The following STT3A variants were observed in gnomAD, a reference collection of about 807,000 sequenced individuals.
STT3A encodes STT3 oligosaccharyltransferase complex catalytic subunit A.
STT3A carries 34 observed loss-of-function variants against 89.2 expected under a neutral mutation model. That is an observed-to-expected ratio of 0.38 (90% CI 0.29 to 0.51). STT3A has a LOEUF of 0.51. STT3A is among the 20% of genes least tolerant of loss of function. The pLI is 0.89. For synonymous variants in STT3A, 282 were observed against 310.3 expected, an observed-to-expected ratio of 0.91 and a Z score of 0.96; for missense variants, 555 against 889.5, an observed-to-expected ratio of 0.62 and a Z score of 4.78.
intron 1 of STT3A, 84 bp from the exon 2 acceptor site, chr11:125,595,797 T>C: frequency 1.4e-6 from 1 of 721,388 alleles, no homozygotes; most frequent in Non-Finnish European, 2.4e-6. Context: ...CTACGTCCTT[T>C]ATGATTCCCT....
chr11:125,620,915 A>C lies in STT3A; in HGVS notation c.*105A>C. ...TTAATATGCAGTTTGTAAGAACAAA[A>C]CTGGATGGCATCAGAATTGTCTGGA... is the stretch of plus-strand genomic sequence containing the variant. On this transcript the variant is annotated 3_prime_UTR_variant, in exon 18 of 18. Coordinates refer to ENST00000392708, the MANE Select transcript of STT3A (RefSeq NM_152713.5). The C allele has an allele frequency of 1.1e-6, 1 of 941,600 alleles. No homozygotes were observed. Among genetic ancestry groups the C allele is most frequent in the Non-Finnish European group, 1.6e-6 (1 of 637,598 alleles). 58.3% of individuals were successfully genotyped at this position (941,600 alleles called of 1,614,324 possible). A position where few individuals can be genotyped will look rare whatever the true frequency, so the allele number is the denominator to read the frequency against.
At chr11:125,608,545 C>T (rs1939905916) in intron 9 of STT3A, 1 of 334,476 alleles carries the variant, frequency 3.0e-6, no homozygotes, top group Non-Finnish European at 5.5e-6. Context: ...AGGCTGGTCT[C>T]AAACTCCCGA....
chr11:125,620,196 G>T, intron 17 of STT3A, 70 bp downstream of exon 17: 1 of 1,238,330 alleles, frequency 8.1e-7, no homozygotes, highest in Non-Finnish European at 1.2e-6. Context: ...CTTATAAAAT[G>T]GGACATATAT....
In STT3A at chr11:125,611,537, C is replaced by G. The variant is rs760257888; in HGVS notation, c.1209+18C>G. 12 of 1,608,528 alleles carry G rather than the reference C, an allele frequency of 7.5e-6. No individual in the cohort carries two copies. The highest frequency in any genetic ancestry group is 1.0e-5 in the Non-Finnish European group (12 of 1,175,786). On this transcript the variant is annotated intron_variant, in intron 11 of 17. Coordinates refer to ENST00000392708, the MANE Select transcript of STT3A (RefSeq NM_152713.5). ...CTGTAATGGTGAGGATGCCCTCAGTCTGGTAGACTTTTTCACTCTAACTCT... is the reference window on the plus strand; with the variant it reads ...CTGTAATGGTGAGGATGCCCTCAGTGTGGTAGACTTTTTCACTCTAACTCT...
intron 7 of STT3A, 82 bp downstream of exon 7, chr11:125,605,817 T>G: frequency 1.6e-6 from 2 of 1,231,494 alleles, no homozygotes; most frequent in East Asian, 4.8e-5. Flanking sequence ...TGACCAACTT[T>G]CTTTTCTGGT....
Position 125,613,265 on chromosome 11 carries a change from G to T in STT3A, c.1554+88G>T. 1 of 1,441,042 alleles carries T rather than the reference G, an allele frequency of 6.9e-7. No individual in the cohort carries two copies. The highest frequency in any genetic ancestry group is 9.5e-7 in the Non-Finnish European group (1 of 1,054,150). The allele number at this position is 1,441,042 out of a possible 1,614,324, so 89.3% of individuals were successfully genotyped here. A position where few individuals can be genotyped will look rare whatever the true frequency, so the allele number is the denominator to read the frequency against. Reference sequence around the variant, plus strand: ...CAGTGAATCATACAGCTTTTAGATGGGTGGAAAGCTGGGTGAAACTGGAAC... The same window carrying T: ...CAGTGAATCATACAGCTTTTAGATGTGTGGAAAGCTGGGTGAAACTGGAAC... On this transcript the variant is annotated intron_variant, in intron 13 of 17. Transcript: ENST00000392708. The surrounding 1 kb of genome is among the most constrained non-coding windows in gnomAD (Gnocchi z 4.2).
chr11:125,620,870 A>T lies in STT3A; in HGVS notation c.*60A>T, dbSNP rs74957637. 0.038 allele frequency: 33,736 copies of T among 891,596 alleles called. 745 individuals carry two copies. Among genetic ancestry groups the T allele is most frequent in the Middle Eastern group, 0.072 (239 of 3,302 alleles). The allele number at this position is 891,596 out of a possible 1,614,324, so 55.2% of individuals were successfully genotyped here. ...GCACATCACATTTAGGACGTTGAAG[A>T]TTTTTTTTTTTTTTTTTTTTTAATA... On this transcript the variant is annotated 3_prime_UTR_variant, in exon 18 of 18. Coordinates refer to ENST00000392708, the MANE Select transcript of STT3A (RefSeq NM_152713.5).
intron 1 of STT3A, among the ~76,000 whole-genome samples, chr11:125,594,582 C>CAA (rs34558992): frequency 0.095 from 8,725 of 91,910 alleles, 605 homozygotes; most frequent in Middle Eastern, 0.12. Context: ...GACTCCGTCT[C>CAA]AAAAAAAAAA....
Position 125,612,630 on chromosome 11 carries a change from T to C in STT3A, c.1248T>C (p.Ile416=), listed in dbSNP as rs749362257. The change falls in exon 12 of 18, where the codon ATT becomes ATC. Residue 416 remains isoleucine (I), a synonymous_variant. Transcript: ENST00000392708. ...TAGTGTTGGCACCTGTTATGTGCATTCTCTCTGGCATTGGAGTCTCCCAGG... is the reference window on the plus strand; with the variant it reads ...TAGTGTTGGCACCTGTTATGTGCATCCTCTCTGGCATTGGAGTCTCCCAGG... ...LMLVLAPVMC[I]LSGIGVSQVL... is the part of the protein sequence containing the mutation. 6.2e-7 allele frequency: 1 copy of C among 1,614,208 alleles called. No homozygotes were observed. Among genetic ancestry groups the C allele is most frequent in the Admixed American group, 1.7e-5 (1 of 60,022 alleles).
intron 3 of STT3A, among the ~76,000 whole-genome samples, chr11:125,597,349 C>G (rs1939527108): frequency 6.7e-6 from 1 of 149,578 alleles, no homozygotes; most frequent in Admixed American, 6.7e-5. Context: ...CTTTGGGAGG[C>G]TGAGGTGGAG....
intron 16 of STT3A, 75 bp downstream of exon 16, chr11:125,618,636 A>G (rs1386301610): frequency 7.1e-7 from 1 of 1,416,660 alleles, no homozygotes; most frequent in Non-Finnish European, 9.6e-7. Context: ...TCCATATGCC[A>G]AGCACTAGTA....
Position 125,602,852 on chromosome 11 carries a change from C to T in STT3A, c.321C>T (p.His107=), listed in dbSNP as rs1591373180. 1 of 1,614,086 alleles carries T rather than the reference C, an allele frequency of 6.2e-7. No homozygotes were observed. Among genetic ancestry groups the T allele is most frequent in the Middle Eastern group, 1.6e-4 (1 of 6,062 alleles). ...AAIYHVLHFF[H]ITIDIRNVCV... is the part of the protein sequence containing the mutation. ...TCTACCATGTACTCCATTTTTTCCA[C>T]ATCACCATCGACATTCGGAATGTCT... is the stretch of plus-strand genomic sequence containing the variant. Residue 107 remains histidine, a synonymous_variant, in exon 5 of 18, where the codon CAC becomes CAT. Coordinates refer to ENST00000392708, the MANE Select transcript of STT3A (RefSeq NM_152713.5).
In STT3A at chr11:125,614,374, T is replaced by C. The variant is rs560550185; in HGVS notation, c.1722T>C (p.Asp574=). The stretch of plus-strand genomic sequence containing the variant: ...CCTATGAGATCATGAGGGAGCTCGA[T>C]GTCAGCTATGTGCTGGTCATTTTTG... ...EKAYEIMREL[D]VSYVLVIFGG... The change falls in exon 15 of 18, where the codon GAT becomes GAC. Residue 574 remains aspartate (D), a synonymous_variant. Transcript: ENST00000392708. The surrounding 1 kb of genome is among the most constrained non-coding windows in gnomAD (Gnocchi z 4.9). 4.8e-4 allele frequency: 773 copies of C among 1,614,172 alleles called. 14 individuals carry two copies. The South Asian group carries it at 7.8e-3, about 16-fold the overall frequency.
rs1169670997 is a variant in STT3A at position 125,614,971 on chromosome 11, CT to C, written c.1774+548del. Among the ~76,000 whole-genome samples the C allele has an allele frequency of 2.0e-5, 3 of 152,124 alleles. No individual in the cohort carries two copies. The stretch of plus-strand genomic sequence containing the variant: ...AAAGTTAATGTAATGCCTGTTTACA[CT>C]TTAAAAAGTTAAGCAGTTCACAGCC... On this transcript the variant is annotated intron_variant, in intron 15 of 17. Coordinates refer to ENST00000392708, the MANE Select transcript of STT3A (RefSeq NM_152713.5). The surrounding 1 kb of genome is among the most constrained non-coding windows in gnomAD (Gnocchi z 4.9).
At chr11:125,609,058 G>T (rs1939922480) in intron 9 of STT3A, among the ~76,000 whole-genome samples, 1 of 152,170 alleles carries the variant, frequency 6.6e-6, no homozygotes, top group South Asian at 2.1e-4. Context: ...TCTCAGAGAT[G>T]AATTTGATTT....
chr11:125,602,455 A>T lies in STT3A; in HGVS notation c.271+31A>T, dbSNP rs1482605143. 7 of 1,525,402 alleles carry T rather than the reference A, an allele frequency of 4.6e-6. No homozygotes were observed. In the African/African-American group the frequency reaches 5.7e-5, roughly 12 times the overall value. 94.5% of individuals were successfully genotyped at this position (1,525,402 alleles called of 1,614,324 possible). On this transcript the variant is annotated intron_variant, in intron 4 of 17. Transcript: ENST00000392708. ...GAGACCAGATGTGTTTTTTTTTTTAAAAAAAAAACAGAAATATTTGTATGC... is the reference window on the plus strand; with the variant it reads ...GAGACCAGATGTGTTTTTTTTTTTATAAAAAAAACAGAAATATTTGTATGC...
In STT3A at chr11:125,620,905, T is replaced by A; in HGVS notation, c.*95T>A. The A allele has an allele frequency of 8.9e-7, 1 of 1,126,724 alleles. No individual in the cohort carries two copies. Among genetic ancestry groups the A allele is most frequent in the Non-Finnish European group, 1.3e-6 (1 of 796,358 alleles). The allele number at this position is 1,126,724 out of a possible 1,614,324, so 69.8% of individuals were successfully genotyped here. ...TTTTTTTTTTTTAATATGCAGTTTG[T>A]AAGAACAAAACTGGATGGCATCAGA... On this transcript the variant is annotated 3_prime_UTR_variant, in exon 18 of 18. Coordinates refer to ENST00000392708, the MANE Select transcript of STT3A (RefSeq NM_152713.5).
At chr11:125,617,536 A>T (rs1940212624) in intron 15 of STT3A, among the ~76,000 whole-genome samples, 1 of 152,232 alleles carries the variant, frequency 6.6e-6, no homozygotes, top group African/African-American at 2.4e-5. Context: ...AACATGTAGC[A>T]ACTGATTTCC....
rs1350000164 is a variant in STT3A at position 125,614,572 on chromosome 11, TG to T, written c.1774+149del. Reference sequence around the variant, plus strand: ...TCCTAAGTATTTGCAACTTGAGGTTTGGGTATTTTGATTTTTTTCTTTTTGT... The same window carrying T: ...TCCTAAGTATTTGCAACTTGAGGTTTGGTATTTTGATTTTTTTCTTTTTGT... On this transcript the variant is annotated intron_variant, in intron 15 of 17. Transcript: ENST00000392708. This position sits in a 1 kb window ranked among gnomAD's most constrained non-coding sequence, Gnocchi z 4.9. The T allele has an allele frequency of 2.8e-5, 22 of 785,860 alleles. No homozygotes were observed. Among genetic ancestry groups the T allele is most frequent in the Non-Finnish European group, 3.9e-5 (20 of 506,488 alleles). 48.7% of individuals were successfully genotyped at this position (785,860 alleles called of 1,614,324 possible).
Sources: allele counts gnomAD v4.1 joint callset (sites outside exome capture counted in the v4.1 genomes callset), GRCh38; gene constraint gnomAD v4.1.1; non-coding constraint Gnocchi (gnomAD v3.1); transcripts MANE v1.5; gene names NCBI Gene and HGNC (gene_info 2026-07-23, HGNC 2026-07-21).